The following CSMD2 variants were observed in gnomAD, a reference collection of about 807,000 sequenced individuals.
CSMD2 encodes the protein CUB and Sushi multiple domains 2.
In CSMD2, 130 loss-of-function variants were observed where a neutral mutation model predicts 398.5. That is an observed-to-expected ratio of 0.33 (90% CI 0.28 to 0.38). CSMD2 has a LOEUF of 0.38. Ranked by LOEUF, CSMD2 falls within the 10% of genes least tolerant of loss-of-function variation. The pLI, the probability that CSMD2 is intolerant of heterozygous loss-of-function variation, is 1.00. For synonymous variants in CSMD2, 1,828 were observed against 1,908.5 expected, an observed-to-expected ratio of 0.96 and a Z score of 1.10; for missense variants, 3,829 against 4,764.9, an observed-to-expected ratio of 0.80 and a Z score of 5.78.
intron 26 of CSMD2, among the ~76,000 whole-genome samples, chr1:33,660,188 G>C (rs1009554665): frequency 6.6e-6 from 1 of 152,170 alleles, no homozygotes; most frequent in Non-Finnish European, 1.5e-5. Flanking sequence ...GAGAAGCCTC[G>C]GAGCCCACAT....
chr1:33,560,989 A>T (rs1198203398), intron 53 of CSMD2, among the ~76,000 whole-genome samples: 2 of 152,118 alleles, frequency 1.3e-5, no homozygotes, highest in Non-Finnish European at 2.9e-5. Flanking sequence ...TTGAACTCCC[A>T]CCTGATGCTT....
intron 3 of CSMD2, among the ~76,000 whole-genome samples, chr1:34,020,794 C>T (rs1404545713): frequency 2.0e-5 from 3 of 152,132 alleles, no homozygotes; most frequent in Non-Finnish European, 4.4e-5. Flanking sequence ...CGGTTGTTGT[C>T]TATAAAGCCC....
At chr1:33,651,757 C>T (rs1292786373) in intron 28 of CSMD2, among the ~76,000 whole-genome samples, 3 of 152,070 alleles carry the variant, frequency 2.0e-5, no homozygotes, top group South Asian at 2.1e-4. Context: ...ACCAGGAGTT[C>T]GTGGGTGGCT....
intron 9 of CSMD2, among the ~76,000 whole-genome samples, chr1:33,815,141 C>G (rs928694470): frequency 1.3e-5 from 2 of 152,104 alleles, no homozygotes; most frequent in African/African-American, 4.8e-5. Context: ...CTATCATTTC[C>G]CATGTCTTCC....
intron 51 of CSMD2, among the ~76,000 whole-genome samples, chr1:33,571,019 A>G (rs1659547615): frequency 6.6e-6 from 1 of 152,110 alleles, no homozygotes; most frequent in Admixed American, 6.5e-5. Context: ...CCGACCTTTG[A>G]AAGTGTATTA....
intron 44 of CSMD2, among the ~76,000 whole-genome samples, chr1:33,590,981 CTTTTT>C (rs11374822): frequency 1.5e-5 from 1 of 67,168 alleles, no homozygotes; most frequent in Non-Finnish European, 2.6e-5. Context: ...TTTTATTTAT[CTTTTT>C]TTTTTTTTTT....
rs891978315 is a variant in CSMD2 at position 34,081,522 on chromosome 1, G to A, written c.404+7455C>T. Among the ~76,000 whole-genome samples the A allele has an allele frequency of 4.0e-5, 6 of 151,850 alleles. No homozygotes were observed. In the South Asian group the frequency reaches 6.2e-4, roughly 16 times the overall value. On this transcript the variant is annotated intron_variant, in intron 2 of 70. Coordinates refer to ENST00000373381, the MANE Select transcript of CSMD2 (RefSeq NM_001281956.2). ...TCGGCTCACTGCAACCTCCCTGCCT[G>A]ATTCTCCTGCCTCGGCCTGCCGAGT...
chr1:33,596,193 C>T (rs2148786042), intron 44 of CSMD2, among the ~76,000 whole-genome samples: 1 of 152,284 alleles, frequency 6.6e-6, no homozygotes, highest in South Asian at 2.1e-4. Context: ...CCTCCTCACC[C>T]TACTTGGGCT....
chr1:34,146,786 G>C (rs1456052566), intron 1 of CSMD2, among the ~76,000 whole-genome samples: 1 of 152,176 alleles, frequency 6.6e-6, no homozygotes. Context: ...AAGTTTGGGA[G>C]AGTAAAGTTT....
chr1:33,938,705 T>C (rs558611601), intron 3 of CSMD2, among the ~76,000 whole-genome samples: 2 of 144,438 alleles, frequency 1.4e-5, no homozygotes, highest in South Asian at 2.3e-4. Flanking sequence ...CATGATCCTG[T>C]ACTGCTGCTG....
intron 6 of CSMD2, among the ~76,000 whole-genome samples, chr1:33,838,090 G>C (rs1334724744): frequency 6.6e-6 from 1 of 152,180 alleles, no homozygotes; most frequent in Non-Finnish European, 1.5e-5. Flanking sequence ...GAAGTGGAGG[G>C]AATCTGCATC....
intron 5 of CSMD2, among the ~76,000 whole-genome samples, chr1:33,869,811 C>A (rs1428208679): frequency 6.6e-6 from 1 of 152,138 alleles, no homozygotes; most frequent in Non-Finnish European, 1.5e-5. Context: ...TCCCCATCGC[C>A]CTAGCTGCAG....
At chr1:34,119,354 G>A (rs562162214) in intron 1 of CSMD2, among the ~76,000 whole-genome samples, 1 of 152,190 alleles carries the variant, frequency 6.6e-6, no homozygotes, top group African/African-American at 2.4e-5. Flanking sequence ...TATGACATTG[G>A]ATTTGGCAAA....
intron 1 of CSMD2, among the ~76,000 whole-genome samples, chr1:34,100,133 A>G (rs895206854): frequency 1.3e-5 from 2 of 152,204 alleles, no homozygotes; most frequent in African/African-American, 4.8e-5. Context: ...ATAACACCAT[A>G]TGTATAATTT....
At chr1:33,966,010 C>T (rs961695871) in intron 3 of CSMD2, among the ~76,000 whole-genome samples, 4 of 152,186 alleles carry the variant, frequency 2.6e-5, no homozygotes, top group East Asian at 1.9e-4. Context: ...GGCCAAGGAA[C>T]GAGGTGGAAT....
chr1:33,663,006 T>C lies in CSMD2; in HGVS notation c.4139A>G (p.Lys1380Arg), dbSNP rs1004371966. Residue 1380 changes from lysine to arginine, a missense_variant, in exon 26 of 71, where the codon AAG (lysine) becomes AGG (arginine). Lys to Arg is a conservative substitution (Grantham distance 26). This residue lies in a region of CSMD2 where 2,001 missense variants were observed against 2,567.1 expected (regional missense o/e 0.78). Transcript: ENST00000373381. The part of the protein sequence containing the change: ...DGPVESGVLL[K>R]ELSGPALPKD... ...GGGCAGGGCCGGGCCACTCAGCTCCTTCAGCAGAACCCCGCTCTCCACAGG... is the reference window on the plus strand; with the variant it reads ...GGGCAGGGCCGGGCCACTCAGCTCCCTCAGCAGAACCCCGCTCTCCACAGG... The C allele has an allele frequency of 1.9e-6, 3 of 1,614,040 alleles. No individual in the cohort carries two copies. Among genetic ancestry groups the C allele is most frequent in the Admixed American group, 3.3e-5 (2 of 60,008 alleles).
chr1:33,568,189 CTT>C (rs370507143), intron 52 of CSMD2, among the ~76,000 whole-genome samples: 11 of 141,310 alleles, frequency 7.8e-5, no homozygotes, highest in Admixed American at 2.1e-4. Context: ...TCAGGAGCAT[CTT>C]TTTTTTTTTT....
chr1:33,847,041 G>A (rs1638304845), intron 5 of CSMD2, 45 bp from the exon 6 acceptor site: 1 of 1,334,096 alleles, frequency 7.5e-7, no homozygotes, highest in Admixed American at 1.8e-5. Flanking sequence ...AGAGCTGAGT[G>A]GTATAGGTGT....
intron 25 of CSMD2, among the ~76,000 whole-genome samples, chr1:33,677,182 A>T (rs6704053): frequency 6.6e-6 from 1 of 151,330 alleles, no homozygotes; most frequent in Non-Finnish European, 1.5e-5. Context: ...CAACCTACAG[A>T]ATGGGAGAAA....
Sources: allele counts gnomAD v4.1 joint callset (sites outside exome capture counted in the v4.1 genomes callset), GRCh38; gene constraint gnomAD v4.1.1; regional missense constraint gnomAD v4.1.1; transcripts MANE v1.5; gene names NCBI Gene and HGNC (gene_info 2026-07-23, HGNC 2026-07-21).